Variants in RNF217 observed in about 807,000 individuals in gnomAD.
RNF217 encodes the protein ring finger protein 217.
A neutral mutation model predicts 57.8 loss-of-function variants in RNF217; 31 were observed. That is an observed-to-expected ratio of 0.54 (90% CI 0.40 to 0.72). RNF217 has a LOEUF of 0.72. Ranked by LOEUF, RNF217 falls within the 30% of genes least tolerant of loss-of-function variation. The pLI is 0.00. For synonymous variants in RNF217, 313 were observed against 294.0 expected (o/e 1.06, Z -0.66); for missense variants, 696 against 708.3 (o/e 0.98, Z 0.20).
intron 3 of RNF217, among the ~76,000 whole-genome samples, chr6:125,060,741 A>C (rs965346594): frequency 5.9e-5 from 9 of 152,124 alleles, no homozygotes; most frequent in African/African-American, 2.2e-4. Context: ...CACCACGCCA[A>C]ACCATATTTT....
chr6:125,018,548 G>T (rs1785698305), intron 1 of RNF217, among the ~76,000 whole-genome samples: 1 of 152,058 alleles, frequency 6.6e-6, no homozygotes, highest in Non-Finnish European at 1.5e-5. Context: ...AAAAGGAAAA[G>T]CCAACAGTGA....
At chr6:125,016,835 G>C (rs1250424288) in intron 1 of RNF217, among the ~76,000 whole-genome samples, 4 of 152,102 alleles carry the variant, frequency 2.6e-5, no homozygotes, top group Admixed American at 6.6e-5. Context: ...TAATATAGAT[G>C]ATGGGTTGAT....
chr6:125,083,029 A>C lies in RNF217; in HGVS notation c.*92A>C, dbSNP rs532513520. ...GTGAGTCACATCTTGAAAAACACTG[A>C]GAGGAACCTTCTACCATCTCATCTC... On this transcript the variant is annotated 3_prime_UTR_variant, in exon 6 of 6. Coordinates refer to ENST00000521654, the MANE Select transcript of RNF217 (RefSeq NM_001286398.3). The C allele has an allele frequency of 2.1e-5, 17 of 808,690 alleles. No homozygotes were observed. The highest frequency in any genetic ancestry group is 3.0e-5 in the Non-Finnish European group (16 of 527,894). The allele number at this position is 808,690 out of a possible 1,614,324, so 50.1% of individuals were successfully genotyped here.
At chr6:125,045,846 G>T (rs972942555) in intron 2 of RNF217, among the ~76,000 whole-genome samples, 2 of 151,660 alleles carry the variant, frequency 1.3e-5, no homozygotes, top group Non-Finnish European at 2.9e-5. Context: ...AGTATAAATG[G>T]TACTCATTCA....
chr6:125,056,205 A>C (rs1196285158), intron 2 of RNF217, among the ~76,000 whole-genome samples: 1 of 152,174 alleles, frequency 6.6e-6, no homozygotes, highest in Non-Finnish European at 1.5e-5. Context: ...CTAAACTTGG[A>C]GCCAGACAAA....
At chr6:124,993,949 T>G (rs1784654839) in intron 1 of RNF217, among the ~76,000 whole-genome samples, 1 of 152,142 alleles carries the variant, frequency 6.6e-6, no homozygotes, top group Non-Finnish European at 1.5e-5. Flanking sequence ...ATTGAGGCCT[T>G]TATTCTGCAG....
chr6:125,061,600 C>T (rs1313502973), intron 3 of RNF217, among the ~76,000 whole-genome samples: 1 of 151,102 alleles, frequency 6.6e-6, no homozygotes, highest in Non-Finnish European at 1.5e-5. Flanking sequence ...TTTTCTATTT[C>T]TTCCTTTTTA....
intron 3 of RNF217, among the ~76,000 whole-genome samples, chr6:125,065,317 G>C (rs9385363): frequency 0.46 from 69,035 of 149,774 alleles, 16,247 homozygotes; most frequent in African/African-American, 0.51. Context: ...AAAAGTCATG[G>C]AAATGTTATT....
At chr6:125,045,571 C>A (rs910162365) in intron 2 of RNF217, 127 bp downstream of exon 2, 1 of 654,856 alleles carries the variant, frequency 1.5e-6, no homozygotes, top group Non-Finnish European at 2.6e-6. Flanking sequence ...ATATATTGGC[C>A]ATCATTCTGA....
At chr6:125,076,057 A>T (rs1282625839) in intron 3 of RNF217, among the ~76,000 whole-genome samples, 1 of 152,146 alleles carries the variant, frequency 6.6e-6, no homozygotes, top group East Asian at 1.9e-4. Flanking sequence ...GCAACAATAG[A>T]GGAAGGTGCT....
At chr6:125,039,078 C>T (rs1786770620) in intron 1 of RNF217, among the ~76,000 whole-genome samples, 1 of 152,004 alleles carries the variant, frequency 6.6e-6, no homozygotes, top group African/African-American at 2.4e-5. Flanking sequence ...TCAACTCCCA[C>T]TTGTAAGTGA....
At chr6:125,062,497 G>A (rs1477755856) in intron 3 of RNF217, among the ~76,000 whole-genome samples, 1 of 152,034 alleles carries the variant, frequency 6.6e-6, no homozygotes, top group African/African-American at 2.4e-5. Context: ...ATATTTTTAT[G>A]AAAACATAAC....
chr6:125,001,281 A>G (rs566544780), intron 1 of RNF217, among the ~76,000 whole-genome samples: 4 of 152,146 alleles, frequency 2.6e-5, no homozygotes, highest in African/African-American at 9.6e-5. Flanking sequence ...TCTTGTTACC[A>G]GTTTTTGTGT....
intron 1 of RNF217, among the ~76,000 whole-genome samples, chr6:124,995,163 G>A (rs1784702980): frequency 6.6e-6 from 1 of 152,066 alleles, no homozygotes; most frequent in East Asian, 1.9e-4. Context: ...AAAAGTTAGT[G>A]TACTTTTATT....
intron 1 of RNF217, among the ~76,000 whole-genome samples, chr6:125,006,767 G>T (rs1785196376): frequency 6.6e-6 from 1 of 152,130 alleles, no homozygotes; most frequent in South Asian, 2.1e-4. Context: ...TGGCCAACAT[G>T]GTGAAACCCC....
chr6:125,038,192 A>T (rs1562480584), intron 1 of RNF217, among the ~76,000 whole-genome samples: 1 of 152,214 alleles, frequency 6.6e-6, no homozygotes, highest in Non-Finnish European at 1.5e-5. Flanking sequence ...TTTTGTTCAG[A>T]AAAACTGAAC....
At chr6:124,984,541 C>CAAAAAAA (rs750251821) in intron 1 of RNF217, among the ~76,000 whole-genome samples, 4 of 74,216 alleles carry the variant, frequency 5.4e-5, no homozygotes, top group South Asian at 1.0e-3. Flanking sequence ...GACCCTTTCT[C>CAAAAAAA]AAAAAAAAAA....
At chr6:124,975,061 C>T (rs2114998890) in intron 1 of RNF217, among the ~76,000 whole-genome samples, 1 of 152,272 alleles carries the variant, frequency 6.6e-6, no homozygotes, top group East Asian at 1.9e-4. Flanking sequence ...AGCTATTTGC[C>T]TCAATAATAT....
chr6:125,001,589 A>G (rs1395496598), intron 1 of RNF217, among the ~76,000 whole-genome samples: 2 of 152,244 alleles, frequency 1.3e-5, no homozygotes, highest in Admixed American at 6.5e-5. Context: ...GATAAAATAT[A>G]AAGTTAAATT....
Sources: gnomAD v4.1 joint callset for allele counts (sites outside exome capture counted in the v4.1 genomes callset) on GRCh38, gnomAD v4.1.1 for gene constraint, MANE v1.5 for transcripts, NCBI Gene and HGNC (gene_info 2026-07-23, HGNC 2026-07-21) for gene names.